The following KCNN3 variants were observed in gnomAD, a reference collection of about 807,000 sequenced individuals.
KCNN3 encodes the protein small conductance calcium-activated potassium channel protein 3.
Under a neutral mutation model 62.9 loss-of-function variants are expected in KCNN3, and 16 were observed. That is an observed-to-expected ratio of 0.25 (90% CI 0.17 to 0.39). The LOEUF is 0.39. Ranked by LOEUF, KCNN3 falls within the 10% of genes least tolerant of loss-of-function variation. KCNN3 has a pLI of 1.00. For missense variants in KCNN3, 599 were observed against 949.4 expected, an observed-to-expected ratio of 0.63 and a Z score of 4.85; for synonymous variants, 370 against 389.2, an observed-to-expected ratio of 0.95 and a Z score of 0.58.
chr1:154,799,521 C>T (rs747253785), intron 2 of KCNN3, among the ~76,000 whole-genome samples: 7 of 152,184 alleles, frequency 4.6e-5, no homozygotes, highest in South Asian at 4.1e-4. Context: ...CAGGCTGACC[C>T]GCTTTTGGAG....
At chr1:154,834,542 A>G (rs1218547) in intron 1 of KCNN3, among the ~76,000 whole-genome samples, 102,969 of 151,976 alleles carry the variant, frequency 0.68, 35,244 homozygotes, top group East Asian at 0.96. Context: ...ACACTAATTG[A>G]TTCAAGTTAG....
rs143728781 is a variant in KCNN3, at chr1:154,751,594, C to T, written c.1449-18450G>A. ...GTGCCTGAAATGGGGCAGGAGAGGG[C>T]GTGCCAGTGCCAAGGCTATTATAAA... On this transcript the variant is annotated intron_variant, in intron 3 of 7. Coordinates refer to ENST00000271915, the MANE Select transcript of KCNN3 (RefSeq NM_002249.6). 1.3e-3 allele frequency among the ~76,000 whole-genome samples: 193 copies of T among 152,226 alleles called. 4 individuals are homozygous for T. The East Asian group carries it at 0.026, about 21-fold the overall frequency.
intron 2 of KCNN3, among the ~76,000 whole-genome samples, chr1:154,802,515 T>G (rs937392959): frequency 2.0e-5 from 3 of 152,148 alleles, no homozygotes; most frequent in African/African-American, 7.2e-5. Context: ...CTGTAGAGCC[T>G]GATGTCCAAG....
intron 2 of KCNN3, among the ~76,000 whole-genome samples, chr1:154,793,582 T>C (rs1649606422): frequency 6.6e-6 from 1 of 152,222 alleles, no homozygotes; most frequent in South Asian, 2.1e-4. Flanking sequence ...TTAATTATAC[T>C]TTCAATTTTT....
chr1:154,741,710 T>A (rs1470190261), intron 3 of KCNN3, among the ~76,000 whole-genome samples: 4 of 145,536 alleles, frequency 2.7e-5, no homozygotes, highest in Non-Finnish European at 3.0e-5. Flanking sequence ...ACTAGTTTTG[T>A]AAAAAAAAAA....
At chr1:154,847,434 C>G (rs537394268) in intron 1 of KCNN3, among the ~76,000 whole-genome samples, 81 of 152,352 alleles carry the variant, frequency 5.3e-4, no homozygotes, top group African/African-American at 1.9e-3. Context: ...ACCAATGACA[C>G]AAGCAAAGCC....
At chr1:154,808,077 T>A (rs1650254730) in intron 2 of KCNN3, among the ~76,000 whole-genome samples, 1 of 152,114 alleles carries the variant, frequency 6.6e-6, no homozygotes, top group Non-Finnish European at 1.5e-5. Context: ...ATTGACATTC[T>A]CTCCATCTTA....
intron 3 of KCNN3, among the ~76,000 whole-genome samples, chr1:154,747,993 C>A (rs1202122600): frequency 1.3e-5 from 2 of 152,186 alleles, no homozygotes; most frequent in Non-Finnish European, 2.9e-5. Flanking sequence ...CTTCCCCATT[C>A]TCCCTCACTT....
chr1:154,731,367 C>T (rs1478478013), intron 4 of KCNN3, among the ~76,000 whole-genome samples: 2 of 152,260 alleles, frequency 1.3e-5, no homozygotes, highest in Admixed American at 1.3e-4. Context: ...TTGTCATTAG[C>T]TGCTGTCGTA....
chr1:154,825,590 T>C (rs1218533782), intron 1 of KCNN3, among the ~76,000 whole-genome samples: 1 of 150,990 alleles, frequency 6.6e-6, no homozygotes, highest in Non-Finnish European at 1.5e-5. Context: ...ATGGTCTCGA[T>C]CTCCTGGCCT....
rs1380886803 is a variant in KCNN3 at position 154,809,812 on chromosome 1, G to C, written c.1029+12277C>G. Among the ~76,000 whole-genome samples the C allele has an allele frequency of 1.3e-5, 2 of 152,254 alleles. No individual in the cohort carries two copies. The highest frequency in any genetic ancestry group is 2.4e-5 in the African/African-American group (1 of 41,460). On this transcript the variant is annotated intron_variant, in intron 2 of 7. Transcript: ENST00000271915. This position sits in a 1 kb window ranked among gnomAD's most constrained non-coding sequence, Gnocchi z 4.3. The stretch of plus-strand genomic sequence containing the variant: ...GCAGAGGGTGGGGAGCTGCTTAGCA[G>C]CTCATGAGAAGACAGAGGGGTTTTA...
At chr1:154,864,525 C>A (rs1265777415) in intron 1 of KCNN3, among the ~76,000 whole-genome samples, 1 of 152,256 alleles carries the variant, frequency 6.6e-6, no homozygotes, top group African/African-American at 2.4e-5. Flanking sequence ...TGCAAAGAGA[C>A]AGACAAGTTG....
intron 4 of KCNN3, among the ~76,000 whole-genome samples, chr1:154,726,828 C>G (rs1700478637): frequency 6.6e-6 from 1 of 152,166 alleles, no homozygotes. Context: ...CGATCCTAGT[C>G]TGCTCGGTAG....
At chr1:154,712,394 G>T (rs1700097261) in intron 7 of KCNN3, among the ~76,000 whole-genome samples, 1 of 152,048 alleles carries the variant, frequency 6.6e-6, no homozygotes, top group Non-Finnish European at 1.5e-5. Context: ...TCCTCCAAAG[G>T]CACGCGGGCC....
rs1699853209 is a variant in KCNN3, at chr1:154,701,577, A to G, written c.*6399T>C. 1.3e-5 allele frequency: 2 copies of G among 152,152 alleles called. No individual in the cohort carries two copies. Among genetic ancestry groups the G allele is most frequent in the African/African-American group, 2.4e-5 (1 of 41,424 alleles). 9.4% of individuals were successfully genotyped at this position (152,152 alleles called of 1,614,324 possible). On this transcript the variant is annotated 3_prime_UTR_variant, in exon 8 of 8. Transcript: ENST00000271915. ...TTTTGCTATAAAGGACAATATCTCA[A>G]CGGGAACCCTTTATTTCCTCCCAGC...
At chr1:154,713,075 G>A (rs61386354) in intron 7 of KCNN3, among the ~76,000 whole-genome samples, 5,281 of 152,194 alleles carry the variant, frequency 0.035, 221 homozygotes, top group East Asian at 0.17. Context: ...GGTGTGACCT[G>A]GGCAGTTACC....
intron 6 of KCNN3, among the ~76,000 whole-genome samples, chr1:154,714,295 A>C (rs371508774): frequency 9.6e-4 from 15 of 15,628 alleles, no homozygotes; most frequent in African/African-American, 2.2e-3. Flanking sequence ...TGTGGTGTGT[A>C]TGGTGTGTGT....
chr1:154,797,009 A>G (rs1440122322), intron 2 of KCNN3, among the ~76,000 whole-genome samples: 1 of 152,236 alleles, frequency 6.6e-6, no homozygotes, highest in Non-Finnish European at 1.5e-5. Context: ...CTTCATCAGC[A>G]GCCTGCGACA....
chr1:154,721,590 C>T (rs544379574), intron 5 of KCNN3, among the ~76,000 whole-genome samples: 9 of 152,178 alleles, frequency 5.9e-5, no homozygotes, highest in African/African-American at 2.2e-4. Context: ...CGTGAGCCAC[C>T]GCACCCGGCC....
Sources: allele counts gnomAD v4.1 joint callset (sites outside exome capture counted in the v4.1 genomes callset), GRCh38; gene constraint gnomAD v4.1.1; non-coding constraint Gnocchi (gnomAD v3.1); transcripts MANE v1.5; gene names NCBI Gene and HGNC (gene_info 2026-07-23, HGNC 2026-07-21).